Variants in ROBO2 observed in about 807,000 individuals in gnomAD.
The protein encoded by ROBO2 is roundabout guidance receptor 2.
Under a neutral mutation model 160.8 loss-of-function variants are expected in ROBO2, and 53 were observed. The observed-to-expected ratio is 0.33, with a 90% CI of 0.26 to 0.41. The LOEUF (loss-of-function observed/expected upper bound fraction) is 0.41. Among genes scored for constraint, ROBO2 ranks in the 10% least tolerant of loss-of-function variants. The pLI is 1.00. For synonymous variants in ROBO2, 664 were observed against 611.7 expected (o/e 1.09, Z -1.26); for missense variants, 1,577 against 1,722.4 (o/e 0.92, Z 1.49).
In ROBO2 at chr3:76,366,075, A is replaced by C. The variant is rs1268368870; in HGVS notation, c.109+428473A>C. ...GCCTCCCCATTTCTCAGCCCTTTGC[A>C]TATCCTACTTTCTTAGTAAGAAAAT... On this transcript the variant is annotated intron_variant, in intron 2 of 26. Transcript: ENST00000487694. Among the ~76,000 whole-genome samples the C allele has an allele frequency of 2.0e-5, 3 of 152,002 alleles. No individual in the cohort carries two copies. In the South Asian group the frequency reaches 6.2e-4, roughly 31 times the overall value.
At chr3:75,948,624 C>A (rs1264302568) in intron 2 of ROBO2, among the ~76,000 whole-genome samples, 1 of 152,078 alleles carries the variant, frequency 6.6e-6, no homozygotes, top group African/African-American at 2.4e-5. Flanking sequence ...TCCATGACAA[C>A]AGGCACCACG....
At chr3:76,238,603 C>T (rs990395708) in intron 2 of ROBO2, among the ~76,000 whole-genome samples, 32 of 151,380 alleles carry the variant, frequency 2.1e-4, no homozygotes, top group Admixed American at 4.6e-4. Flanking sequence ...AAACCACCTC[C>T]ATGATCTAAT....
intron 2 of ROBO2, among the ~76,000 whole-genome samples, chr3:76,699,713 T>C (rs189146823): frequency 6.6e-6 from 1 of 152,268 alleles, no homozygotes; most frequent in East Asian, 1.9e-4. Context: ...CCTGAACCAT[T>C]GATGCCTTGT....
At chr3:77,644,098 T>A (rs1191600264) in intron 24 of ROBO2, among the ~76,000 whole-genome samples, 1 of 141,656 alleles carries the variant, frequency 7.1e-6, no homozygotes, top group Non-Finnish European at 1.5e-5. Flanking sequence ...ATGTCATGAG[T>A]TATTTGTAGA....
chr3:76,114,039 G>C (rs1183998338), intron 2 of ROBO2, among the ~76,000 whole-genome samples: 2 of 152,154 alleles, frequency 1.3e-5, no homozygotes, highest in East Asian at 3.9e-4. Context: ...TACCATGCTG[G>C]TACAACCTGA....
At chr3:76,306,119 C>G (rs1320498843) in intron 2 of ROBO2, among the ~76,000 whole-genome samples, 2 of 152,078 alleles carry the variant, frequency 1.3e-5, no homozygotes, top group East Asian at 1.9e-4. Context: ...TGATTGAGAG[C>G]CTGCTAGGTA....
chr3:76,045,978 A>G (rs1001743388), intron 2 of ROBO2, among the ~76,000 whole-genome samples: 1 of 151,830 alleles, frequency 6.6e-6, no homozygotes, highest in Non-Finnish European at 1.5e-5. Context: ...TCTTTGCATT[A>G]AAGTAGTCCC....
chr3:76,432,047 T>C (rs1325282449), intron 2 of ROBO2, among the ~76,000 whole-genome samples: 6 of 152,060 alleles, frequency 3.9e-5, no homozygotes, highest in Admixed American at 3.3e-4. Flanking sequence ...TGTGGCAAAA[T>C]GGTAATCATC....
intron 2 of ROBO2, among the ~76,000 whole-genome samples, chr3:77,412,210 T>C (rs111312379): frequency 1.1e-3 from 169 of 152,310 alleles, no homozygotes; most frequent in African/African-American, 4.0e-3. Context: ...GGTTCTTTAA[T>C]CCACATCCCT....
chr3:76,545,818 A>T (rs1015392978), intron 2 of ROBO2, among the ~76,000 whole-genome samples: 1 of 151,988 alleles, frequency 6.6e-6, no homozygotes, highest in Admixed American at 6.6e-5. Flanking sequence ...TCTATCTAAC[A>T]TATTGTTAAT....
chr3:77,360,738 T>A (rs1448654390), intron 2 of ROBO2, among the ~76,000 whole-genome samples: 2 of 152,080 alleles, frequency 1.3e-5, no homozygotes, highest in African/African-American at 4.8e-5. Context: ...AGGATTCCTC[T>A]CCTCTCTGAC....
chr3:76,085,145 G>T (rs571065330), intron 2 of ROBO2, among the ~76,000 whole-genome samples: 2 of 149,138 alleles, frequency 1.3e-5, no homozygotes, highest in South Asian at 2.1e-4. Flanking sequence ...ACACACATAC[G>T]TATATACATA....
intron 2 of ROBO2, among the ~76,000 whole-genome samples, chr3:76,543,830 C>T (rs1464575999): frequency 6.6e-6 from 1 of 152,032 alleles, no homozygotes; most frequent in Non-Finnish European, 1.5e-5. Flanking sequence ...CCTGTTGTCA[C>T]TCCCAAGCAC....
chr3:76,750,250 T>C (rs1016544350), intron 2 of ROBO2, among the ~76,000 whole-genome samples: 1 of 152,134 alleles, frequency 6.6e-6, no homozygotes, highest in African/African-American at 2.4e-5. Flanking sequence ...TCAACAGTCC[T>C]TCATGCTAAA....
At chr3:75,936,572 A>G (rs958122902) in intron 1 of ROBO2, among the ~76,000 whole-genome samples, 18 of 152,264 alleles carry the variant, frequency 1.2e-4, no homozygotes, top group African/African-American at 4.1e-4. Context: ...CATAAAATGT[A>G]TAGTTTTAAC....
At chr3:76,619,615 G>A (rs1227441414) in intron 2 of ROBO2, among the ~76,000 whole-genome samples, 1 of 152,144 alleles carries the variant, frequency 6.6e-6, no homozygotes, top group African/African-American at 2.4e-5. Flanking sequence ...TTACAAAGTA[G>A]CACACACCAT....
At chr3:76,837,302 C>A (rs2067789253) in intron 2 of ROBO2, among the ~76,000 whole-genome samples, 1 of 151,874 alleles carries the variant, frequency 6.6e-6, no homozygotes, top group African/African-American at 2.4e-5. Context: ...ATACTAAAAA[C>A]CATTCACTAA....
chr3:77,374,509 AT>A (rs1188455107), intron 2 of ROBO2, among the ~76,000 whole-genome samples: 1 of 152,194 alleles, frequency 6.6e-6, no homozygotes, highest in Non-Finnish European at 1.5e-5. Flanking sequence ...GCCTTAAATA[AT>A]TGTGTTAAAT....
chr3:76,350,344 C>T (rs1333794179), intron 2 of ROBO2, among the ~76,000 whole-genome samples: 1 of 152,062 alleles, frequency 6.6e-6, no homozygotes, highest in Non-Finnish European at 1.5e-5. Context: ...TGCTTTTCTT[C>T]ATCTTTTCAA....
Sources: allele counts gnomAD v4.1 joint callset (sites outside exome capture counted in the v4.1 genomes callset), GRCh38; gene constraint gnomAD v4.1.1; transcripts MANE v1.5; gene names NCBI Gene and HGNC (gene_info 2026-07-23, HGNC 2026-07-21).